RASA2: variants seen among roughly 807,000 people sequenced by gnomAD.
RASA2 encodes the protein ras GTPase-activating protein 2.
A neutral mutation model predicts 118.2 loss-of-function variants in RASA2; 155 were observed. That is an observed-to-expected ratio of 1.31 (90% confidence interval 1.15 to 1.50). The LOEUF (loss-of-function observed/expected upper bound fraction) is 1.50, where lower values mean the gene tolerates loss of function less well. RASA2 is among the 40% of genes most tolerant of loss of function. RASA2 has a pLI of 0.00. For missense variants in RASA2, 1,016 were observed against 1,009.6 expected (o/e 1.01, Z -0.09); for synonymous variants, 353 against 349.1 (o/e 1.01, Z -0.12).
chr3:141,584,462 T>C (rs137979378), intron 17 of RASA2, among the ~76,000 whole-genome samples: 2 of 152,164 alleles, frequency 1.3e-5, no homozygotes, highest in East Asian at 3.9e-4. Context: ...ATTTATGAAG[T>C]TAAATGTTTT....
intron 17 of RASA2, among the ~76,000 whole-genome samples, chr3:141,583,607 A>T (rs539039283): frequency 6.6e-6 from 1 of 152,010 alleles, no homozygotes; most frequent in Non-Finnish European, 1.5e-5. Flanking sequence ...TACCCACATT[A>T]CCCACATATA....
chr3:141,531,398 T>A lies in RASA2; in HGVS notation c.450+1596T>A, dbSNP rs145228995. Among the ~76,000 whole-genome samples the A allele has an allele frequency of 8.8e-3, 1,331 of 151,646 alleles. 5 individuals are homozygous for A. Among genetic ancestry groups the A allele is most frequent in the Non-Finnish European group, 0.015 (1,017 of 67,734 alleles). On this transcript the variant is annotated intron_variant, in intron 4 of 23. Coordinates refer to ENST00000286364, the MANE Select transcript of RASA2 (RefSeq NM_006506.5). The stretch of plus-strand genomic sequence containing the variant: ...TACAGAGACACAAGACTTTATTTGA[T>A]GGTGTGTGTGTGTATATATATGTGT...
chr3:141,509,057 G>A (rs571509528), intron 1 of RASA2, among the ~76,000 whole-genome samples: 1 of 152,134 alleles, frequency 6.6e-6, no homozygotes, highest in East Asian at 1.9e-4. Flanking sequence ...TTTTGATTAT[G>A]TTGTTTATAA....
chr3:141,586,919 C>G (rs1318832808), intron 19 of RASA2, 167 bp downstream of exon 19: 3 of 681,010 alleles, frequency 4.4e-6, no homozygotes, highest in East Asian at 2.9e-5. Flanking sequence ...ACAGTAACCC[C>G]ATGTATATTA....
chr3:141,549,028 T>C (rs1216847177), intron 5 of RASA2, among the ~76,000 whole-genome samples: 1 of 152,204 alleles, frequency 6.6e-6, no homozygotes, highest in Non-Finnish European at 1.5e-5. Context: ...TGGGCACTTA[T>C]ATCTGCCCTG....
At chr3:141,583,190 G>A (rs541081457) in intron 17 of RASA2, among the ~76,000 whole-genome samples, 300 of 152,242 alleles carry the variant, frequency 2.0e-3, no homozygotes, top group African/African-American at 6.5e-3. Flanking sequence ...TTGGGAGGCC[G>A]AAGCGGGCAG....
intron 5 of RASA2, among the ~76,000 whole-genome samples, chr3:141,544,133 C>G (rs1313218981): frequency 6.6e-6 from 1 of 152,110 alleles, no homozygotes; most frequent in African/African-American, 2.4e-5. Flanking sequence ...GCCTTGGCCT[C>G]CCAAAGTCCT....
At chr3:141,553,380 C>T (rs746805784) in intron 5 of RASA2, among the ~76,000 whole-genome samples, 7 of 152,130 alleles carry the variant, frequency 4.6e-5, no homozygotes, top group Non-Finnish European at 8.8e-5. Flanking sequence ...GACTGTTACA[C>T]ATCCCTTATC....
chr3:141,557,517 A>G (rs554264650), intron 7 of RASA2, among the ~76,000 whole-genome samples: 1 of 152,322 alleles, frequency 6.6e-6, no homozygotes, highest in East Asian at 1.9e-4. Context: ...AATGGAAACT[A>G]AGATTAGAAA....
chr3:141,550,382 C>T (rs749314920), intron 5 of RASA2, among the ~76,000 whole-genome samples: 7 of 152,028 alleles, frequency 4.6e-5, no homozygotes, highest in African/African-American at 9.7e-5. Flanking sequence ...GGCAAGATCA[C>T]GGGGCAAAGA....
At chr3:141,562,084 C>G (rs536882054) in intron 9 of RASA2, among the ~76,000 whole-genome samples, 1 of 151,944 alleles carries the variant, frequency 6.6e-6, no homozygotes, top group East Asian at 2.0e-4. Context: ...TCCCAAGTAG[C>G]TGGGACTTCA....
intron 19 of RASA2, among the ~76,000 whole-genome samples, chr3:141,607,404 G>T (rs368761754): frequency 5.3e-5 from 8 of 151,942 alleles, no homozygotes; most frequent in Non-Finnish European, 1.2e-4. Flanking sequence ...ACTTTCTTAC[G>T]TTCTACACAG....
At chr3:141,544,060 G>A (rs762631924) in intron 5 of RASA2, among the ~76,000 whole-genome samples, 22 of 151,842 alleles carry the variant, frequency 1.4e-4, no homozygotes, top group Admixed American at 3.3e-4. Flanking sequence ...ATTTTTAGTA[G>A]AAACAGGGTT....
rs568922229 is a variant in RASA2 at position 141,504,606 on chromosome 3, G to C, written c.134-7557G>C. On this transcript the variant is annotated intron_variant, in intron 1 of 23. Coordinates refer to ENST00000286364, the MANE Select transcript of RASA2 (RefSeq NM_006506.5). ...GCTCTGCCCCTCCCCTGACCTGCAA[G>C]TTTTCGCTCATTGAGATTACTACAG... 8.0e-4 allele frequency among the ~76,000 whole-genome samples: 122 copies of C among 152,172 alleles called. 1 individual carries two copies. The highest frequency in any genetic ancestry group is 7.5e-3 in the Admixed American group (115 of 15,288).
At position 141,610,016 on chromosome 3, in the gene RASA2, T is replaced by G. The variant is rs2107803362; in HGVS notation, c.2469T>G (p.Pro823=). The change falls in exon 23 of 24, where the codon CCT becomes CCG. Residue 823 remains proline, a synonymous_variant. Coordinates refer to ENST00000286364, the MANE Select transcript of RASA2 (RefSeq NM_006506.5). ...GCATAATTGAGAAGCTGGATGAACC[T>G]CATGAAAAATATAGGAAGAAAAGAT... The part of the protein sequence containing the change: ...IKSIIEKLDE[P]HEKYRKKRSS... 5 of 1,603,338 alleles carry G rather than the reference T, an allele frequency of 3.1e-6. No individual in the cohort carries two copies. Among genetic ancestry groups the G allele is most frequent in the East Asian group, 2.3e-5 (1 of 44,176 alleles).
chr3:141,582,300 A>G (rs2083127482), intron 17 of RASA2, among the ~76,000 whole-genome samples: 1 of 152,212 alleles, frequency 6.6e-6, no homozygotes, highest in Non-Finnish European at 1.5e-5. Context: ...TGTTTAACCA[A>G]AATTTTTTTA....
At position 141,581,109 on chromosome 3, in the gene RASA2, A is replaced by T; in HGVS notation, c.1684A>T (p.Lys562Ter). 6.5e-7 allele frequency: 1 copy of T among 1,535,750 alleles called. No individual in the cohort carries two copies. Among genetic ancestry groups the T allele is most frequent in the Non-Finnish European group, 8.7e-7 (1 of 1,149,596 alleles). The change falls in exon 17 of 24, where the codon AAA (lysine) becomes TAA (stop). Residue 562 changes from lysine to a stop codon, truncating the protein, a stop_gained. Transcript: ENST00000286364. LOFTEE classifies it high-confidence loss of function. ...GTTTGTTTTTTCTTAGTCAAGTTTC[A>T]AAGAGACATTCATGTGTGAATTTTT... ...GSLSKSKSSF[K>*]ETFMCEFFKM...
At chr3:141,597,329 A>G (rs1444018362) in intron 19 of RASA2, among the ~76,000 whole-genome samples, 2 of 152,214 alleles carry the variant, frequency 1.3e-5, no homozygotes, top group African/African-American at 4.8e-5. Context: ...AAATTACGCT[A>G]AGTGAAAGAA....
intron 19 of RASA2, among the ~76,000 whole-genome samples, chr3:141,587,923 T>C (rs1430339236): frequency 1.3e-5 from 2 of 152,074 alleles, no homozygotes; most frequent in Non-Finnish European, 2.9e-5. Context: ...AAAAGATGCA[T>C]ATAGATCTTA....
Sources: gnomAD v4.1 joint callset for allele counts (sites outside exome capture counted in the v4.1 genomes callset) on GRCh38, gnomAD v4.1.1 for gene constraint, MANE v1.5 for transcripts, NCBI Gene and HGNC (gene_info 2026-07-23, HGNC 2026-07-21) for gene names.